Variants in IL1RL2 observed in about 807,000 individuals in gnomAD.
IL1RL2 encodes interleukin 1 receptor like 2.
In IL1RL2, 68 loss-of-function variants were observed where a neutral mutation model predicts 66.8. The ratio of observed to expected loss-of-function variants is 1.02; its 90% CI spans 0.84 to 1.25. The LOEUF (loss-of-function observed/expected upper bound fraction) is 1.25. IL1RL2 is among the 50% of genes most tolerant of loss of function. The pLI is 0.00. For missense variants in IL1RL2, 729 were observed against 709.3 expected (o/e 1.03, Z -0.32); for synonymous variants, 305 against 264.6 (o/e 1.15, Z -1.48).
intron 6 of IL1RL2, among the ~76,000 whole-genome samples, chr2:102,218,079 ATAAC>A (rs1258600633): frequency 6.6e-6 from 1 of 152,212 alleles, no homozygotes; most frequent in South Asian, 2.1e-4. Context: ...AAACAGCTGA[ATAAC>A]AAACAAACAA....
intron 8 of IL1RL2, among the ~76,000 whole-genome samples, chr2:102,225,000 G>A (rs1384473453): frequency 6.6e-6 from 1 of 152,178 alleles, no homozygotes; most frequent in Non-Finnish European, 1.5e-5. Flanking sequence ...AGTGGTGTGT[G>A]AGGTGGGTTT....
intron 9 of IL1RL2, among the ~76,000 whole-genome samples, chr2:102,229,100 CA>C (rs1394678267): frequency 6.6e-6 from 1 of 152,186 alleles, no homozygotes; most frequent in Non-Finnish European, 1.5e-5. Flanking sequence ...CTGGTTTCAT[CA>C]GGCCTAAAAT....
chr2:102,241,923 T>C (rs1240861603), downstream of IL1RL2, among the ~76,000 whole-genome samples: 1 of 152,244 alleles, frequency 6.6e-6, no homozygotes, highest in African/African-American at 2.4e-5. Flanking sequence ...CATTTGTGAA[T>C]GAAATACTAT....
intron 9 of IL1RL2, among the ~76,000 whole-genome samples, chr2:102,231,666 T>C (rs1453434937): frequency 3.9e-5 from 6 of 152,216 alleles, no homozygotes; most frequent in Non-Finnish European, 7.3e-5. Flanking sequence ...GTTTAACTTC[T>C]GTGCATGTGG....
At position 102,239,530 on chromosome 2, in the gene IL1RL2, T is replaced by G. The variant is rs1211979277; in HGVS notation, c.*289T>G. The G allele has an allele frequency of 2.7e-6, 1 of 366,182 alleles. No homozygotes were observed. The highest frequency in any genetic ancestry group is 2.1e-5 in the African/African-American group (1 of 46,604). 22.7% of individuals were successfully genotyped at this position (366,182 alleles called of 1,614,324 possible). Reference sequence around the variant, plus strand: ...CGGGGGAGGCATCCCCAAGTCATGGTGGGTGAGAGCTCGGAGCATCCCCAT... The same window carrying G: ...CGGGGGAGGCATCCCCAAGTCATGGGGGGTGAGAGCTCGGAGCATCCCCAT... On this transcript the variant is annotated 3_prime_UTR_variant, in exon 12 of 12. Coordinates refer to ENST00000264257, the MANE Select transcript of IL1RL2 (RefSeq NM_003854.4).
intron 5 of IL1RL2, among the ~76,000 whole-genome samples, chr2:102,204,544 T>C (rs1688539462): frequency 6.6e-6 from 1 of 152,084 alleles, no homozygotes; most frequent in Admixed American, 6.5e-5. Flanking sequence ...ATAATATTTG[T>C]TTTTATATCT....
At chr2:102,233,377 T>G (rs1445213324) in intron 10 of IL1RL2, among the ~76,000 whole-genome samples, 1 of 152,118 alleles carries the variant, frequency 6.6e-6, no homozygotes, top group African/African-American at 2.4e-5. Context: ...GCGTCTCACT[T>G]TGAGTGAGGA....
chr2:102,235,415 A>G, intron 11 of IL1RL2, 138 bp downstream of exon 11: 2 of 1,455,894 alleles, frequency 1.4e-6, no homozygotes, highest in Non-Finnish European at 1.8e-6. Context: ...TAGTGAGAGG[A>G]TCTGTTGTGT....
At chr2:102,218,899 A>G in intron 6 of IL1RL2, 54 bp from the exon 7 acceptor site, 1 of 1,534,022 alleles carries the variant, frequency 6.5e-7, no homozygotes, top group Non-Finnish European at 9.0e-7. Flanking sequence ...ATGTTAACAA[A>G]TTTGAAAGTT....
Position 102,195,609 on chromosome 2 carries a change from CTT to C in IL1RL2, c.489+3491_489+3492del, listed in dbSNP as rs1169848418. Among the ~76,000 whole-genome samples the C allele has an allele frequency of 4.4e-3, 79 of 17,940 alleles. 4 individuals are homozygous for C. Among genetic ancestry groups the C allele is most frequent in the Admixed American group, 0.027 (54 of 1,990 alleles). The allele number at this position is 17,940 out of a possible 152,430, so 11.8% of individuals were successfully genotyped here. ...TCTTTCTTTCTTTCTTTCTTTCTTT[CTT>C]TCTTTCTTTCTTTCTTTCTCTCTCT... On this transcript the variant is annotated intron_variant, in intron 4 of 11. Transcript: ENST00000264257.
At chr2:102,208,222 G>C (rs1184778159) in intron 5 of IL1RL2, among the ~76,000 whole-genome samples, 5 of 152,184 alleles carry the variant, frequency 3.3e-5, no homozygotes, top group Non-Finnish European at 5.9e-5. Context: ...TCTTATGAAG[G>C]TGTTTCTTCT....
At chr2:102,190,012 T>A (rs1447119288) in intron 3 of IL1RL2, among the ~76,000 whole-genome samples, 3 of 152,206 alleles carry the variant, frequency 2.0e-5, no homozygotes, top group African/African-American at 7.2e-5. Context: ...CAGATAGGAA[T>A]GAGCCTCCTA....
At chr2:102,242,028 T>C (rs954496225), downstream of IL1RL2, among the ~76,000 whole-genome samples, 2 of 152,318 alleles carry the variant, frequency 1.3e-5, no homozygotes, top group East Asian at 3.9e-4. Context: ...AGTTCATTCA[T>C]GAAAACATAG....
At chr2:102,214,130 T>C (rs1187087282) in intron 6 of IL1RL2, among the ~76,000 whole-genome samples, 1 of 152,226 alleles carries the variant, frequency 6.6e-6, no homozygotes, top group Non-Finnish European at 1.5e-5. Context: ...ATTTGGCTGT[T>C]TTATCTCTCT....
At chr2:102,236,055 T>A (rs1417372347) in intron 11 of IL1RL2, 9 of 622,914 alleles carry the variant, frequency 1.4e-5, no homozygotes, top group Non-Finnish European at 1.8e-5. Context: ...AGAATTATAG[T>A]CCAAGCAAGG....
At chr2:102,188,553 A>C (rs1404976395) in intron 2 of IL1RL2, among the ~76,000 whole-genome samples, 2 of 134,762 alleles carry the variant, frequency 1.5e-5, no homozygotes, top group East Asian at 5.2e-4. Context: ...GAGCCTCTGC[A>C]CTCCAGCCTG....
chr2:102,196,082 T>C (rs2104736529), intron 4 of IL1RL2, among the ~76,000 whole-genome samples: 1 of 152,248 alleles, frequency 6.6e-6, no homozygotes, highest in East Asian at 1.9e-4. Context: ...GCTTTTCCTT[T>C]TTCTGAAATG....
chr2:102,209,729 A>G (rs1688997998), intron 5 of IL1RL2, among the ~76,000 whole-genome samples: 1 of 152,172 alleles, frequency 6.6e-6, no homozygotes, highest in African/African-American at 2.4e-5. Context: ...AGACATCAGT[A>G]TTGAGATGAT....
intron 5 of IL1RL2, among the ~76,000 whole-genome samples, chr2:102,206,563 C>G (rs6713687): frequency 6.6e-6 from 1 of 152,174 alleles, no homozygotes; most frequent in Non-Finnish European, 1.5e-5. Context: ...GTTCTCTTCC[C>G]TTACTTTCTC....
Sources: allele counts gnomAD v4.1 joint callset (sites outside exome capture counted in the v4.1 genomes callset), GRCh38; gene constraint gnomAD v4.1.1; transcripts MANE v1.5; gene names NCBI Gene and HGNC (gene_info 2026-07-23, HGNC 2026-07-21).